The following L3MBTL1 variants were observed in gnomAD, a reference collection of about 807,000 sequenced individuals.
L3MBTL1 encodes L3MBTL histone methyl-lysine binding protein 1.
A neutral mutation model predicts 105.3 loss-of-function variants in L3MBTL1; 75 were observed. The observed-to-expected ratio is 0.71, with a 90% CI of 0.59 to 0.86. The LOEUF is 0.86. Among genes scored for constraint, L3MBTL1 ranks in the 40% least tolerant of loss-of-function variants. L3MBTL1 has a pLI of 0.00. For missense variants in L3MBTL1, 1,069 were observed against 1,126.4 expected, an observed-to-expected ratio of 0.95 and a Z score of 0.73; for synonymous variants, 452 against 436.2, an observed-to-expected ratio of 1.04 and a Z score of -0.45.
At chr20:43,511,115 G>A (rs920696861) in intron 1 of L3MBTL1, among the ~76,000 whole-genome samples, 11 of 151,574 alleles carry the variant, frequency 7.3e-5, no homozygotes, top group African/African-American at 2.2e-4. Flanking sequence ...GGACGATCTC[G>A]GCTCACTGCA....
intron 11 of L3MBTL1, 30 bp from the exon 12 acceptor site, chr20:43,532,742 CT>C (rs2019403018): frequency 1.9e-6 from 3 of 1,613,654 alleles, no homozygotes; most frequent in Non-Finnish European, 1.7e-6. Flanking sequence ...CAGCTTGGCC[CT>C]GGCCGTGGCA....
chr20:43,535,021 G>T, intron 16 of L3MBTL1, 79 bp downstream of exon 16: 1 of 947,710 alleles, frequency 1.1e-6, no homozygotes, highest in Non-Finnish European at 1.6e-6. Context: ...ACAGAGCTCT[G>T]ACTCCCCATG....
chr20:43,515,830 T>G, intron 6 of L3MBTL1: 1 of 490,748 alleles, frequency 2.0e-6, no homozygotes, highest in Non-Finnish European at 3.7e-6. Context: ...GAAGTTTTTG[T>G]GTACTCAGTT....
rs2019396307 is a variant in L3MBTL1 at position 43,532,572 on chromosome 20, G to C, written c.1285-201G>C. 1.1e-5 allele frequency: 6 copies of C among 557,782 alleles called. No individual in the cohort carries two copies. In the South Asian group the frequency reaches 1.5e-4, roughly 14 times the overall value. 34.6% of individuals were successfully genotyped at this position (557,782 alleles called of 1,614,324 possible). A position where few individuals can be genotyped will look rare whatever the true frequency, so the allele number is the denominator to read the frequency against. On this transcript the variant is annotated intron_variant, in intron 11 of 21. Transcript: ENST00000418998. ...GCCAGGCCTCTGAGTGCACCTTGGA[G>C]GCCAGAGGTTCCTGAGTGCCTCAGG...
intron 7 of L3MBTL1, among the ~76,000 whole-genome samples, chr20:43,521,077 A>G (rs1033547595): frequency 1.3e-5 from 2 of 152,236 alleles, no homozygotes; most frequent in African/African-American, 4.8e-5. Context: ...GATCCCTATA[A>G]GGCACATGTT....
In L3MBTL1 at chr20:43,513,595, C is replaced by G. The variant is rs1244292576; in HGVS notation, c.92C>G (p.Pro31Arg). ...VSMHLVAGDS[P>R]GSGPHLPATA... ...ATGCACTTGGTGGCCGGAGACAGCC[C>G]CGGTTCTGGTCCTCACCTGCCCGCA... Residue 31 changes from proline to arginine, a missense_variant, in exon 2 of 22, where the codon CCC becomes CGC. By Grantham distance (103) the Pro-to-Arg change is moderately radical (BLOSUM62 -2). Coordinates refer to ENST00000418998, the MANE Select transcript of L3MBTL1 (RefSeq NM_001377303.1). The G allele has an allele frequency of 2.6e-6, 4 of 1,550,592 alleles. No homozygotes were observed. The highest frequency in any genetic ancestry group is 3.5e-6 in the Non-Finnish European group (4 of 1,146,990).
At position 43,514,718 on chromosome 20, in the gene L3MBTL1, C is replaced by G. The variant is rs371999326; in HGVS notation, c.444C>G (p.Thr148=). The change falls in exon 4 of 22, where the codon ACC becomes ACG. Residue 148 remains threonine, a synonymous_variant. Coordinates refer to ENST00000418998, the MANE Select transcript of L3MBTL1 (RefSeq NM_001377303.1). ...CCGAGCTGCGGCAGGAAGGCGTGAC[C>G]GAATACGAAGATGGCGGGGCCCCGG... ...PSPELRQEGV[T]EYEDGGAPAG... 6.3e-7 allele frequency: 1 copy of G among 1,579,990 alleles called. No individual in the cohort carries two copies. Among genetic ancestry groups the G allele is most frequent in the South Asian group, 1.2e-5 (1 of 86,870 alleles).
Position 43,513,949 on chromosome 20 carries a change from C to A in L3MBTL1, c.248C>A (p.Ser83Tyr). 6.5e-7 allele frequency: 1 copy of A among 1,549,834 alleles called. No individual in the cohort carries two copies. Among genetic ancestry groups the A allele is most frequent in the Non-Finnish European group, 8.7e-7 (1 of 1,146,992 alleles). Reference sequence around the variant, plus strand: ...CAAGTGGCCGGCTGCGAACCAGTTTCTGCCACCGTCCTGCCGCAGCTTAGC... The same window carrying A: ...CAAGTGGCCGGCTGCGAACCAGTTTATGCCACCGTCCTGCCGCAGCTTAGC... ...PEQVAGCEPV[S>Y]ATVLPQLSAG... The change falls in exon 3 of 22, where the codon TCT (serine) becomes TAT (tyrosine). Residue 83 changes from serine (S) to tyrosine (Y), a missense_variant. Coordinates refer to ENST00000418998, the MANE Select transcript of L3MBTL1 (RefSeq NM_001377303.1).
At chr20:43,527,652 C>T (rs1165360012) in intron 7 of L3MBTL1, among the ~76,000 whole-genome samples, 1 of 147,186 alleles carries the variant, frequency 6.8e-6, no homozygotes, top group Non-Finnish European at 1.5e-5. Context: ...GGGTACCCAT[C>T]AAGCACACAT....
rs748516355 is a variant in L3MBTL1, at chr20:43,534,863, C to T, written c.1746C>T (p.Phe582=). The part of the protein sequence containing the change: ...HFDGWSHGYD[F]WIDADHPDIH... ...ATGGCTGGAGTCATGGCTATGATTTCTGGATCGACGCTGACCACCCAGACA... is the reference window on the plus strand; with the variant it reads ...ATGGCTGGAGTCATGGCTATGATTTTTGGATCGACGCTGACCACCCAGACA... The change falls in exon 16 of 22, where the codon TTC becomes TTT. Residue 582 remains phenylalanine (F), a synonymous_variant. Coordinates refer to ENST00000418998, the MANE Select transcript of L3MBTL1 (RefSeq NM_001377303.1). 6 of 1,611,600 alleles carry T rather than the reference C, an allele frequency of 3.7e-6. No homozygotes were observed. In the South Asian group the frequency reaches 4.4e-5, roughly 12 times the overall value.
chr20:43,519,735 G>A (rs2018608467), intron 7 of L3MBTL1, among the ~76,000 whole-genome samples: 1 of 152,152 alleles, frequency 6.6e-6, no homozygotes, highest in Non-Finnish European at 1.5e-5. Context: ...CAAACTCCTG[G>A]GCTCAAGGGA....
exon 19 of L3MBTL1, chr20:43,549,868 C>T (rs1442299707): frequency 6.6e-6 from 1 of 152,120 alleles, no homozygotes; most frequent in Non-Finnish European, 1.5e-5. Context: ...AGTGGGAAAC[C>T]CAGAGCTCTG....
intron 7 of L3MBTL1, among the ~76,000 whole-genome samples, chr20:43,519,040 G>GA (rs543394997): frequency 1.3e-5 from 2 of 148,436 alleles, no homozygotes; most frequent in Admixed American, 6.7e-5. Context: ...GGAAAAAAAA[G>GA]AAAAAAAAGA....
rs756324774 is a variant in L3MBTL1, at chr20:43,528,683, T to C, written c.889T>C (p.Ser297Pro). 7 of 1,614,182 alleles carry C rather than the reference T, an allele frequency of 4.3e-6. No homozygotes were observed. Among genetic ancestry groups the C allele is most frequent in the Non-Finnish European group, 5.9e-6 (7 of 1,179,998 alleles). ...AACAGGTGAGAAGAAGGAATGCTGG[T>C]CGTGGGAGTCCTACCTAGAGGAGCA... ...PATGEKKECW[S>P]WESYLEEQKA... Residue 297 changes from serine to proline, a missense_variant, in exon 8 of 22, where the codon TCG (serine) becomes CCG (proline). Ser to Pro is a moderately conservative substitution (Grantham distance 74). Transcript: ENST00000418998.
chr20:43,525,515 C>A (rs2018983225), intron 7 of L3MBTL1, among the ~76,000 whole-genome samples: 1 of 152,214 alleles, frequency 6.6e-6, no homozygotes, highest in South Asian at 2.1e-4. Context: ...CCCATTCACA[C>A]CCTTGGCTGG....
downstream of L3MBTL1, among the ~76,000 whole-genome samples, chr20:43,543,029 G>C (rs544702106): frequency 2.8e-4 from 42 of 151,544 alleles, no homozygotes; most frequent in African/African-American, 1.0e-3. Context: ...CTAGTTTGGG[G>C]TTCATAAAAG....
chr20:43,525,656 G>T (rs986626123), intron 7 of L3MBTL1, among the ~76,000 whole-genome samples: 4 of 152,202 alleles, frequency 2.6e-5, no homozygotes, highest in Non-Finnish European at 5.9e-5. Flanking sequence ...ACTGAATTTG[G>T]CTGGGGGTGT....
chr20:43,538,596 C>T (rs2269625), intron 19 of L3MBTL1, among the ~76,000 whole-genome samples: 105,575 of 152,040 alleles, frequency 0.69, 36,758 homozygotes, highest in Non-Finnish European at 0.72. Flanking sequence ...AAGATCTGCC[C>T]GGAGAGGACA....
chr20:43,528,298 T>C (rs1213304851), intron 7 of L3MBTL1, among the ~76,000 whole-genome samples: 2 of 152,256 alleles, frequency 1.3e-5, no homozygotes, highest in East Asian at 3.8e-4. Flanking sequence ...GGCATTGTGA[T>C]TAAGTTCTCT....
Sources: allele counts gnomAD v4.1 joint callset (sites outside exome capture counted in the v4.1 genomes callset), GRCh38; gene constraint gnomAD v4.1.1; transcripts MANE v1.5; gene names NCBI Gene and HGNC (gene_info 2026-07-23, HGNC 2026-07-21).